PFKFB3: variants seen among roughly 807,000 people sequenced by gnomAD.
PFKFB3 encodes the protein 6-phosphofructo-2-kinase/fructose-2,6-bisphosphatase 3.
PFKFB3 carries 33 observed loss-of-function variants against 68.0 expected under a neutral mutation model. The observed-to-expected ratio is 0.49, with a 90% CI of 0.37 to 0.65. PFKFB3 has a LOEUF of 0.65. Ranked by LOEUF, PFKFB3 falls within the 30% of genes least tolerant of loss-of-function variation. The pLI is 0.00. For missense variants in PFKFB3, 586 were observed against 712.2 expected, an observed-to-expected ratio of 0.82 and a Z score of 2.02; for synonymous variants, 315 against 288.2, an observed-to-expected ratio of 1.09 and a Z score of -0.94.
intron 1 of PFKFB3, among the ~76,000 whole-genome samples, chr10:6,189,565 AGT>A (rs1842971022): frequency 7.1e-6 from 1 of 140,152 alleles, no homozygotes; most frequent in Non-Finnish European, 1.5e-5. Flanking sequence ...CCCAGGCTGG[AGT>A]GCAGTGGCGC....
chr10:6,291,524 C>T, the PFKFB3 span, among the ~76,000 whole-genome samples: 1 of 150,474 alleles, frequency 6.6e-6, no homozygotes, highest in African/African-American at 2.5e-5. Context: ...TGCACTCCAG[C>T]CTGGGCAGTG....
intron 14 of PFKFB3, among the ~76,000 whole-genome samples, chr10:6,250,549 C>T (rs530741829): frequency 3.0e-4 from 43 of 145,224 alleles, no homozygotes; most frequent in African/African-American, 1.0e-3. Flanking sequence ...CCAGCCTGGG[C>T]GACAGAGCGA....
chr10:6,170,433 A>G (rs763248997), intron 1 of PFKFB3, among the ~76,000 whole-genome samples: 2 of 152,192 alleles, frequency 1.3e-5, no homozygotes, highest in Non-Finnish European at 2.9e-5. Context: ...AAACTGGACT[A>G]CAGCAGGGTG....
chr10:6,242,443 C>T (rs114109684), intron 14 of PFKFB3, among the ~76,000 whole-genome samples: 35 of 152,322 alleles, frequency 2.3e-4, no homozygotes, highest in Middle Eastern at 3.4e-3. Flanking sequence ...GCAGGTACCT[C>T]GTTTTCCAGC....
chr10:6,204,107 T>TGCCCC (rs1168143847), intron 1 of PFKFB3, among the ~76,000 whole-genome samples: 1 of 152,156 alleles, frequency 6.6e-6, no homozygotes, highest in Non-Finnish European at 1.5e-5. Context: ...GGCAGTACCC[T>TGCCCC]GCCCCGCCCC....
At chr10:6,199,577 T>C (rs1269866147), upstream of PFKFB3, among the ~76,000 whole-genome samples, 2 of 150,298 alleles carry the variant, frequency 1.3e-5, no homozygotes, top group African/African-American at 4.9e-5. Flanking sequence ...CTCTGCCTCC[T>C]GGGCTCAGGT....
chr10:6,272,264 G>A, the PFKFB3 span, among the ~76,000 whole-genome samples: 2 of 152,176 alleles, frequency 1.3e-5, no homozygotes. Flanking sequence ...GCAGGTAATG[G>A]TCTCCTGTGT....
chr10:6,180,117 A>G (rs1842666275), intron 1 of PFKFB3, among the ~76,000 whole-genome samples: 1 of 152,072 alleles, frequency 6.6e-6, no homozygotes, highest in Non-Finnish European at 1.5e-5. Flanking sequence ...CCAAGGCAAG[A>G]GGATTGCTTG....
Position 6,228,311 on chromosome 10 carries a change from G to T in PFKFB3, c.1515+1946G>T. 1 of 1,417,882 alleles carries T rather than the reference G, an allele frequency of 7.1e-7. No homozygotes were observed. The highest frequency in any genetic ancestry group is 1.0e-6 in the Non-Finnish European group (1 of 1,004,124). The allele number at this position is 1,417,882 out of a possible 1,614,324, so 87.8% of individuals were successfully genotyped here. On this transcript the variant is annotated intron_variant, in intron 14 of 14. Coordinates refer to ENST00000379775, the MANE Select transcript of PFKFB3 (RefSeq NM_004566.4). The surrounding 1 kb of genome is among the most constrained non-coding windows in gnomAD (Gnocchi z 4.5). ...GCCTGTTAAAATATTGAGGATGAGA[G>T]CAGTTTTGTGATGTGAGGTCTTCCG...
At chr10:6,187,212 T>A (rs2986201) in intron 1 of PFKFB3, among the ~76,000 whole-genome samples, 65,376 of 147,192 alleles carry the variant, frequency 0.44, 15,742 homozygotes, top group Non-Finnish European at 0.56. Flanking sequence ...AAAAAAAAAA[T>A]TAGCTGGACA....
In PFKFB3 at chr10:6,179,655, TC is replaced by T. The variant is rs1350708054; in HGVS notation, c.17-33964del. Among the ~76,000 whole-genome samples, 6 of 152,182 alleles carry T rather than the reference TC, an allele frequency of 3.9e-5. No individual in the cohort carries two copies. In the South Asian group the frequency reaches 1.0e-3, roughly 26 times the overall value. Reference sequence around the variant, plus strand: ...GAGGGGAGAAAAGGAAGAACCCGTCTCCCCTCAACTGGATCATCATGGGCTG... The same window carrying T: ...GAGGGGAGAAAAGGAAGAACCCGTCTCCCTCAACTGGATCATCATGGGCTG... On this transcript the variant is annotated intron_variant, in intron 1 of 14. Transcript: ENST00000379789.
the PFKFB3 span, among the ~76,000 whole-genome samples, chr10:6,271,003 C>T: frequency 6.6e-6 from 1 of 152,186 alleles, no homozygotes; most frequent in Non-Finnish European, 1.5e-5. Flanking sequence ...AACTTGTTTT[C>T]TGAAACGTGG....
intron 1 of PFKFB3, among the ~76,000 whole-genome samples, chr10:6,168,848 A>G (rs958551657): frequency 6.6e-6 from 1 of 152,188 alleles, no homozygotes; most frequent in Non-Finnish European, 1.5e-5. Context: ...TCTGACTTAC[A>G]TTCAAAGCAC....
chr10:6,193,243 C>T (rs183860753), intron 1 of PFKFB3, among the ~76,000 whole-genome samples: 7 of 152,188 alleles, frequency 4.6e-5, no homozygotes, highest in Admixed American at 1.3e-4. Flanking sequence ...CCCAGATACT[C>T]GGGAGGCTGA....
chr10:6,257,210 A>G (rs960354747), downstream of PFKFB3, among the ~76,000 whole-genome samples: 14 of 152,030 alleles, frequency 9.2e-5, no homozygotes, highest in Non-Finnish European at 1.6e-4. Flanking sequence ...CATACAAAGA[A>G]CCCTTTCTGA....
chr10:6,272,099 G>A, the PFKFB3 span, among the ~76,000 whole-genome samples: 1 of 152,320 alleles, frequency 6.6e-6, no homozygotes, highest in East Asian at 1.9e-4. Flanking sequence ...CATTACATAC[G>A]TGCTTACTTG....
chr10:6,222,877 G>A lies in PFKFB3; in HGVS notation c.1106G>A (p.Arg369His), dbSNP rs1845065895. Residue 369 changes from arginine (R) to histidine (H), a missense_variant, in exon 11 of 15, where the codon CGC becomes CAC. Physicochemically the swap from Arg to His is conservative, Grantham distance 29 (BLOSUM62 0). Coordinates refer to ENST00000379775, the MANE Select transcript of PFKFB3 (RefSeq NM_004566.4). ...TGESYQDLVQRLEPVIMELER... is the reference protein window; with the variant it reads ...TGESYQDLVQHLEPVIMELER... ...CAGTCCTACCAGGACCTGGTCCAGC[G>A]CTTGGAGCCAGTGATCATGGAGCTG... is the stretch of plus-strand genomic sequence containing the variant. 1 of 1,613,858 alleles carries A rather than the reference G, an allele frequency of 6.2e-7. No individual in the cohort carries two copies. The highest frequency in any genetic ancestry group is 1.3e-5 in the African/African-American group (1 of 75,038).
chr10:6,320,520 C>T, the PFKFB3 span, among the ~76,000 whole-genome samples: 8 of 151,866 alleles, frequency 5.3e-5, no homozygotes, highest in East Asian at 3.9e-4. Flanking sequence ...GGCACGGTCA[C>T]GACTCACTGC....
At chr10:6,185,465 G>A (rs75214253) in intron 1 of PFKFB3, among the ~76,000 whole-genome samples, 16 of 152,090 alleles carry the variant, frequency 1.1e-4, no homozygotes, top group Non-Finnish European at 2.4e-4. Flanking sequence ...AGGCCACTGC[G>A]GGGGCGAGGA....
Sources: allele counts gnomAD v4.1 joint callset (sites outside exome capture counted in the v4.1 genomes callset), GRCh38; gene constraint gnomAD v4.1.1; non-coding constraint Gnocchi (gnomAD v3.1); transcripts MANE v1.5; gene names NCBI Gene and HGNC (gene_info 2026-07-23, HGNC 2026-07-21).